The following PRDM1 variants were observed in gnomAD, a reference collection of about 807,000 sequenced individuals.
PRDM1 encodes PR/SET domain 1.
In PRDM1, 13 loss-of-function variants were observed where a neutral mutation model predicts 62.8. The ratio of observed to expected loss-of-function variants is 0.21; its 90% CI spans 0.13 to 0.33. The LOEUF is 0.33. Among genes scored for constraint, PRDM1 ranks in the 10% least tolerant of loss-of-function variants. The probability of loss-of-function intolerance (pLI) is 1.00; values close to 1 mark genes in which losing one functional copy is unlikely to be tolerated. For synonymous variants in PRDM1, 396 were observed against 417.6 expected (o/e 0.95, Z 0.63); for missense variants, 895 against 1,058.8 (o/e 0.85, Z 2.15).
upstream of PRDM1, among the ~76,000 whole-genome samples, chr6:106,083,673 C>T (rs1220335503): frequency 1.3e-5 from 2 of 152,176 alleles, no homozygotes; most frequent in Admixed American, 6.5e-5. Context: ...TGATTTGCTG[C>T]CATTGTGAAC....
At chr6:106,089,905 T>C (rs1250414237) in intron 2 of PRDM1, among the ~76,000 whole-genome samples, 5 of 152,218 alleles carry the variant, frequency 3.3e-5, no homozygotes, top group African/African-American at 1.2e-4. Context: ...TCCAGTCCTT[T>C]GGGACTGAAG....
chr6:106,108,377 C>T lies in PRDM1; in HGVS notation c.*891C>T, dbSNP rs1774571308. ...AGAGCGGCCACATGACTTTTGCATC[C>T]ATTGTATTATCAGAAAATGTGAAGA... On this transcript the variant is annotated 3_prime_UTR_variant, in exon 7 of 7. Transcript: ENST00000369096. 4.3e-6 allele frequency: 1 copy of T among 233,324 alleles called. No individual in the cohort carries two copies. The highest frequency in any genetic ancestry group is 2.2e-5 in the African/African-American group (1 of 45,156). 14.5% of individuals were successfully genotyped at this position (233,324 alleles called of 1,614,324 possible). A position where few individuals can be genotyped will look rare whatever the true frequency, so the allele number is the denominator to read the frequency against.
At chr6:106,023,035 A>T (rs1311387282) in intron 1 of PRDM1, among the ~76,000 whole-genome samples, 2 of 152,110 alleles carry the variant, frequency 1.3e-5, no homozygotes, top group Non-Finnish European at 2.9e-5. Context: ...TTACTTACAG[A>T]CTGTCAGCTT....
At chr6:106,001,089 G>A (rs1772419039) in intron 1 of PRDM1, among the ~76,000 whole-genome samples, 1 of 152,128 alleles carries the variant, frequency 6.6e-6, no homozygotes, top group Non-Finnish European at 1.5e-5. Flanking sequence ...ACTTCAGCTG[G>A]ATCTAAGATG....
chr6:106,077,375 G>C (rs1582453008), intron 1 of PRDM1, among the ~76,000 whole-genome samples: 1 of 152,162 alleles, frequency 6.6e-6, no homozygotes, highest in Admixed American at 6.5e-5. Flanking sequence ...TTGTCCAGGA[G>C]GATGAATCAC....
chr6:106,102,375 G>A (rs1487787513), intron 4 of PRDM1, among the ~76,000 whole-genome samples: 1 of 152,154 alleles, frequency 6.6e-6, no homozygotes, highest in Non-Finnish European at 1.5e-5. Context: ...TACTGTATAT[G>A]GACTTCCTAA....
At chr6:105,998,933 ATTTT>A (rs754830624) in intron 1 of PRDM1, among the ~76,000 whole-genome samples, 3 of 6,404 alleles carry the variant, frequency 4.7e-4, no homozygotes, top group East Asian at 4.1e-3. Flanking sequence ...ATATATATAT[ATTTT>A]TTTTTTTTTT....
At chr6:105,992,704 G>A (rs757840960), upstream of PRDM1, among the ~76,000 whole-genome samples, 1 of 152,152 alleles carries the variant, frequency 6.6e-6, no homozygotes, top group Non-Finnish European at 1.5e-5. Context: ...TATATTTTGG[G>A]CTGTTACCAC....
rs1234677566 is a variant in PRDM1 at position 105,994,582 on chromosome 6, A to C, written c.-67+943A>C. Among the ~76,000 whole-genome samples the C allele has an allele frequency of 1.3e-5, 2 of 152,256 alleles. No individual in the cohort carries two copies. The highest frequency in any genetic ancestry group is 6.5e-5 in the Admixed American group (1 of 15,300). ...ATGCTGAGTTCATTTGGACGAGGTG[A>C]GGAGAACTAGGGTCCTAACAGCAGG... On this transcript the variant is annotated intron_variant, in intron 1 of 6. Transcript: ENST00000652320. This position sits in a 1 kb window ranked among gnomAD's most constrained non-coding sequence, Gnocchi z 4.1.
At chr6:106,033,862 T>C (rs1381070834) in intron 1 of PRDM1, among the ~76,000 whole-genome samples, 1 of 152,136 alleles carries the variant, frequency 6.6e-6, no homozygotes, top group Non-Finnish European at 1.5e-5. Context: ...AGTGAAGCCA[T>C]CAGGTTCAGG....
chr6:106,000,268 C>T (rs1351644646), intron 1 of PRDM1, among the ~76,000 whole-genome samples: 1 of 152,192 alleles, frequency 6.6e-6, no homozygotes, highest in Non-Finnish European at 1.5e-5. Context: ...ATCTTTAACT[C>T]ATCTTTAAAA....
intron 1 of PRDM1, among the ~76,000 whole-genome samples, chr6:106,007,436 A>G (rs1306220235): frequency 6.7e-6 from 1 of 148,614 alleles, no homozygotes; most frequent in East Asian, 1.9e-4. Context: ...CTCAAAAAGA[A>G]AAAAAACATT....
intron 1 of PRDM1, among the ~76,000 whole-genome samples, chr6:106,000,704 G>T (rs918964538): frequency 4.6e-5 from 7 of 152,038 alleles, no homozygotes; most frequent in Admixed American, 2.0e-4. Flanking sequence ...TAAGCATTAT[G>T]TTTTTCTGAG....
intron 1 of PRDM1, among the ~76,000 whole-genome samples, chr6:106,081,010 T>C (rs553683973): frequency 1.3e-5 from 2 of 152,360 alleles, no homozygotes; most frequent in South Asian, 4.1e-4. Context: ...ATCTCCAGGC[T>C]ATCTTCAGGT....
intron 1 of PRDM1, among the ~76,000 whole-genome samples, chr6:106,020,145 T>C (rs1325707869): frequency 6.7e-6 from 1 of 149,222 alleles, no homozygotes; most frequent in Non-Finnish European, 1.5e-5. Flanking sequence ...GAAGAATCAC[T>C]TGAACCCAGG....
intron 3 of PRDM1, chr6:106,096,026 G>C (rs560724655): frequency 7.2e-6 from 2 of 277,728 alleles, no homozygotes; most frequent in South Asian, 1.6e-4. Flanking sequence ...TTAAGGATAG[G>C]TTCATTTGCA....
At chr6:106,041,070 T>C (rs1278960924) in intron 1 of PRDM1, among the ~76,000 whole-genome samples, 1 of 152,234 alleles carries the variant, frequency 6.6e-6, no homozygotes, top group African/African-American at 2.4e-5. Flanking sequence ...GTGGACCGCT[T>C]GGATTGGAAT....
At chr6:106,029,897 G>A (rs887290958) in intron 1 of PRDM1, among the ~76,000 whole-genome samples, 10 of 151,754 alleles carry the variant, frequency 6.6e-5, no homozygotes, top group African/African-American at 2.4e-4. Flanking sequence ...AGGATTACAG[G>A]CATGAGCCAC....
At chr6:106,031,404 T>A (rs900216702) in intron 1 of PRDM1, among the ~76,000 whole-genome samples, 3 of 152,198 alleles carry the variant, frequency 2.0e-5, no homozygotes, top group African/African-American at 7.2e-5. Flanking sequence ...CCTGGAGAAG[T>A]GCTCTCCAGT....
Sources: allele counts gnomAD v4.1 joint callset (sites outside exome capture counted in the v4.1 genomes callset), GRCh38; gene constraint gnomAD v4.1.1; non-coding constraint Gnocchi (gnomAD v3.1); transcripts MANE v1.5; gene names NCBI Gene and HGNC (gene_info 2026-07-23, HGNC 2026-07-21).